Variants in ZNF469 observed in about 807,000 individuals in gnomAD.
ZNF469 encodes the protein zinc finger protein 469.
ZNF469 carries 1 observed loss-of-function variant against 1.0 expected under a neutral mutation model. The ratio of observed to expected loss-of-function variants is 1.00; its 90% CI spans 0.35 to 4.73. The LOEUF (loss-of-function observed/expected upper bound fraction) is 4.73, where lower values mean the gene tolerates loss of function less well. Among genes scored for constraint, ZNF469 ranks in the 30% most tolerant of loss-of-function variants. ZNF469 has a pLI of 0.16. For missense variants in ZNF469, 6,100 were observed against 5,356.3 expected, an observed-to-expected ratio of 1.14 and a Z score of -4.33; for synonymous variants, 2,703 against 2,363.4, an observed-to-expected ratio of 1.14 and a Z score of -4.17.
chr16:88,179,635 C>A, the ZNF469 span, among the ~76,000 whole-genome samples: 2 of 152,224 alleles, frequency 1.3e-5, no homozygotes, highest in Non-Finnish European at 2.9e-5. Flanking sequence ...CAGCAGGGGC[C>A]TGGAAGTCTG....
chr16:88,111,237 T>C, the ZNF469 span, among the ~76,000 whole-genome samples: 1 of 152,200 alleles, frequency 6.6e-6, no homozygotes, highest in African/African-American at 2.4e-5. Context: ...CAGTCTGCAA[T>C]GGGCTGTTTT....
chr16:88,178,101 T>C, the ZNF469 span: 1 of 152,270 alleles, frequency 6.6e-6, no homozygotes, highest in African/African-American at 2.4e-5. Flanking sequence ...ACTTTTTCAC[T>C]CTCATAGGAG....
the ZNF469 span, among the ~76,000 whole-genome samples, chr16:88,220,685 T>G: frequency 6.6e-6 from 1 of 152,070 alleles, no homozygotes; most frequent in East Asian, 1.9e-4. Context: ...CCAGGTCATG[T>G]CACTTTAAGT....
At position 88,430,107 on chromosome 16, in the gene ZNF469, C is replaced by G; in HGVS notation, c.2637C>G (p.Pro879=). 3 of 1,542,404 alleles carry G rather than the reference C, an allele frequency of 1.9e-6. No individual in the cohort carries two copies. The highest frequency in any genetic ancestry group is 1.7e-4 in the Middle Eastern group (1 of 5,948). The stretch of plus-strand genomic sequence containing the variant: ...AGGAGCCTTCCGGCCCCAGAGGTCC[C>G]AGCTCCGGACACCCCCTTAAGAGCA... The part of the protein sequence containing the change: ...ADEEPSGPRG[P]SSGHPLKSKA... The change falls in exon 3 of 3, where the codon CCC becomes CCG. Residue 879 remains proline, a synonymous_variant. Transcript: ENST00000565624.
rs1199019631 is a variant in ZNF469 at position 88,430,924 on chromosome 16, C to T, written c.3454C>T (p.Pro1152Ser). Residue 1152 changes from proline to serine, a missense_variant, in exon 3 of 3, where the codon CCC becomes TCC. Transcript: ENST00000565624. ...ARQEAGGDGA[P>S]ANPEEPGGSR... ...GCAGGAAGCCGGCGGGGACGGAGCCCCCGCGAACCCCGAGGAGCCGGGCGG... is the reference window on the plus strand; with the variant it reads ...GCAGGAAGCCGGCGGGGACGGAGCCTCCGCGAACCCCGAGGAGCCGGGCGG... The T allele has an allele frequency of 9.8e-6, 15 of 1,536,230 alleles. No individual in the cohort carries two copies. Among genetic ancestry groups the T allele is most frequent in the Non-Finnish European group, 1.3e-5 (15 of 1,145,384 alleles).
At chr16:88,123,346 T>C in the ZNF469 span, among the ~76,000 whole-genome samples, 2 of 152,318 alleles carry the variant, frequency 1.3e-5, no homozygotes, top group African/African-American at 4.8e-5. Context: ...GTCATTCCTT[T>C]TATTGTTGAG....
chr16:88,231,613 C>T, the ZNF469 span, among the ~76,000 whole-genome samples: 1 of 152,166 alleles, frequency 6.6e-6, no homozygotes, highest in South Asian at 2.1e-4. The surrounding 1 kb of genome is among the most constrained non-coding windows in gnomAD (Gnocchi z 4.5). Context: ...CTCCTCGGCT[C>T]ATGGCCCTTC....
Position 88,427,566 on chromosome 16 carries a change from G to A in ZNF469, c.96G>A (p.Gln32=), listed in dbSNP as rs1204405279. The change falls in exon 3 of 3, where the codon CAG becomes CAA. Residue 32 remains glutamine, a synonymous_variant. Coordinates refer to ENST00000565624, the MANE Select transcript of ZNF469 (RefSeq NM_001367624.2). ...QVASSPGHPS[Q]PPLEDNTPAT... Reference sequence around the variant, plus strand: ...CCAGCAGCCCGGGGCACCCCTCCCAGCCGCCACTGGAGGACAACACCCCAG... The same window carrying A: ...CCAGCAGCCCGGGGCACCCCTCCCAACCGCCACTGGAGGACAACACCCCAG... 2.6e-6 allele frequency: 4 copies of A among 1,536,826 alleles called. No homozygotes were observed. The highest frequency in any genetic ancestry group is 1.7e-6 in the Non-Finnish European group (2 of 1,146,326).
the ZNF469 span, among the ~76,000 whole-genome samples, chr16:88,202,200 G>A: frequency 1.3e-5 from 2 of 152,170 alleles, no homozygotes; most frequent in African/African-American, 2.4e-5. Flanking sequence ...TTATAACAAG[G>A]ATCACACACC....
the ZNF469 span, among the ~76,000 whole-genome samples, chr16:88,364,489 C>CAAAAA: frequency 1.8e-5 from 1 of 56,142 alleles, no homozygotes; most frequent in African/African-American, 5.9e-5. Flanking sequence ...TGTTGATTTC[C>CAAAAA]AAAAAAAAAA....
At chr16:88,146,189 C>T in the ZNF469 span, among the ~76,000 whole-genome samples, 9 of 152,288 alleles carry the variant, frequency 5.9e-5, no homozygotes, top group African/African-American at 9.6e-5. Flanking sequence ...AGCGGCACCA[C>T]GACCCACCCG....
chr16:88,369,310 A>T, the ZNF469 span, among the ~76,000 whole-genome samples: 1 of 152,204 alleles, frequency 6.6e-6, no homozygotes. Flanking sequence ...CCACATGCAA[A>T]TAAATGCAAA....
the ZNF469 span, among the ~76,000 whole-genome samples, chr16:88,173,920 A>G: frequency 1.3e-5 from 2 of 152,240 alleles, no homozygotes; most frequent in East Asian, 1.9e-4. Flanking sequence ...AAGGCATGAA[A>G]AAAGGAAAGA....
At chr16:88,137,112 G>A in the ZNF469 span, among the ~76,000 whole-genome samples, 2 of 152,234 alleles carry the variant, frequency 1.3e-5, no homozygotes, top group African/African-American at 4.8e-5. Flanking sequence ...AGTCATGTGT[G>A]CATACAGCCA....
chr16:88,314,200 C>A, the ZNF469 span, among the ~76,000 whole-genome samples: 1 of 118,690 alleles, frequency 8.4e-6, no homozygotes, highest in African/African-American at 3.0e-5. Flanking sequence ...GTAATTCAGG[C>A]AGTGCTGGTG....
At chr16:88,221,781 A>C in the ZNF469 span, among the ~76,000 whole-genome samples, 2 of 152,036 alleles carry the variant, frequency 1.3e-5, no homozygotes, top group African/African-American at 4.8e-5. Context: ...TCCGAGGGAG[A>C]ATCCCACTCC....
At chr16:88,235,100 C>A in the ZNF469 span, among the ~76,000 whole-genome samples, 1 of 152,104 alleles carries the variant, frequency 6.6e-6, no homozygotes, top group Non-Finnish European at 1.5e-5. Context: ...GAAGGCCCGG[C>A]GCTGGGGCTG....
At chr16:88,162,564 T>C in the ZNF469 span, among the ~76,000 whole-genome samples, 2 of 152,346 alleles carry the variant, frequency 1.3e-5, no homozygotes, top group South Asian at 2.1e-4. Context: ...TAATAGATTT[T>C]AAATAGAACT....
At chr16:88,315,553 A>G in the ZNF469 span, among the ~76,000 whole-genome samples, 1 of 152,302 alleles carries the variant, frequency 6.6e-6, no homozygotes, top group East Asian at 1.9e-4. Flanking sequence ...GGGCGTGGCC[A>G]GGTGACTTTG....
Sources: gnomAD v4.1 joint callset for allele counts (sites outside exome capture counted in the v4.1 genomes callset) on GRCh38, gnomAD v4.1.1 for gene constraint, Gnocchi (gnomAD v3.1) non-coding constraint, MANE v1.5 for transcripts, NCBI Gene and HGNC (gene_info 2026-07-23, HGNC 2026-07-21) for gene names.